BTN2A2: variants seen among roughly 807,000 people sequenced by gnomAD.
The protein encoded by BTN2A2 is butyrophilin subfamily 2 member A2.
A neutral mutation model predicts 34.7 loss-of-function variants in BTN2A2; 29 were observed. The ratio of observed to expected loss-of-function variants is 0.84; its 90% CI spans 0.62 to 1.14. BTN2A2 has a LOEUF of 1.14. Ranked by LOEUF, BTN2A2 falls within the 50% of genes most tolerant of loss-of-function variation. The pLI, the probability that BTN2A2 is intolerant of heterozygous loss-of-function variation, is 0.00. For missense variants in BTN2A2, 612 were observed against 651.5 expected, an observed-to-expected ratio of 0.94 and a Z score of 0.66; for synonymous variants, 240 against 253.1, an observed-to-expected ratio of 0.95 and a Z score of 0.49.
intron 3 of BTN2A2, among the ~76,000 whole-genome samples, chr6:26,386,418 G>A (rs1761206291): frequency 6.6e-6 from 1 of 152,210 alleles, no homozygotes; most frequent in Admixed American, 6.5e-5. Context: ...TCAGACCAGT[G>A]GAGGCAAGGA....
At position 26,383,706 on chromosome 6, in the gene BTN2A2, C is replaced by A. The variant is rs1233721929; in HGVS notation, c.-30-86C>A. 2.0e-6 allele frequency: 2 copies of A among 1,019,272 alleles called. No individual in the cohort carries two copies. Among genetic ancestry groups the A allele is most frequent in the Admixed American group, 1.9e-5 (1 of 51,420 alleles). The allele number at this position is 1,019,272 out of a possible 1,614,324, so 63.1% of individuals were successfully genotyped here. ...CCCAGAAGTTGGGGCACCGATGAGACCTACTTGAGTGACAGGAGAGGTTGG... is the reference window on the plus strand; with the variant it reads ...CCCAGAAGTTGGGGCACCGATGAGAACTACTTGAGTGACAGGAGAGGTTGG... On this transcript the variant is annotated intron_variant, in intron 1 of 7. Transcript: ENST00000356709. This position sits in a 1 kb window ranked among gnomAD's most constrained non-coding sequence, Gnocchi z 4.4.
rs747732083 is a variant in BTN2A2 at position 26,390,889 on chromosome 6, A to T, written c.979+60A>T. Reference sequence around the variant, plus strand: ...TTCTCCCCACTAGCCAGCTAACAGGACTCCTTAGAGGAGATGAGCAAGGGG... The same window carrying T: ...TTCTCCCCACTAGCCAGCTAACAGGTCTCCTTAGAGGAGATGAGCAAGGGG... On this transcript the variant is annotated intron_variant, in intron 7 of 7. Transcript: ENST00000356709. 3 of 1,612,152 alleles carry T rather than the reference A, an allele frequency of 1.9e-6. No homozygotes were observed. The African/African-American group carries it at 4.0e-5, about 22-fold the overall frequency.
At position 26,383,500 on chromosome 6, in the gene BTN2A2, A is replaced by C; in HGVS notation, c.-30-292A>C. The C allele has an allele frequency of 3.7e-6, 1 of 268,468 alleles. No individual in the cohort carries two copies. Among genetic ancestry groups the C allele is most frequent in the South Asian group, 5.1e-5 (1 of 19,650 alleles). The allele number at this position is 268,468 out of a possible 1,614,324, so 16.6% of individuals were successfully genotyped here. On this transcript the variant is annotated intron_variant, in intron 1 of 7. Transcript: ENST00000356709. This position sits in a 1 kb window ranked among gnomAD's most constrained non-coding sequence, Gnocchi z 4.4. ...CCCGACCTGGGTCTCGGGGAGGGGG[A>C]AGTGGAGGGACGAGGGTGTGAAAGA...
rs1049935336 is a variant in BTN2A2 at position 26,389,951 on chromosome 6, C to G, written c.725-54C>G. 6 of 1,569,356 alleles carry G rather than the reference C, an allele frequency of 3.8e-6. No individual in the cohort carries two copies. The African/African-American group carries it at 6.8e-5, about 18-fold the overall frequency. On this transcript the variant is annotated intron_variant, in intron 4 of 7. Transcript: ENST00000356709. ...CTTCAGATGTGCTCTTAGGGGCACT[C>G]TCATCCAGATGTTCTATTTCAAACT...
chr6:26,384,642 A>G lies in BTN2A2; in HGVS notation c.95-373A>G, dbSNP rs1291144526. On this transcript the variant is annotated intron_variant, in intron 2 of 7. Coordinates refer to ENST00000356709, the MANE Select transcript of BTN2A2 (RefSeq NM_006995.5). This position sits in a 1 kb window ranked among gnomAD's most constrained non-coding sequence, Gnocchi z 4.0. The stretch of plus-strand genomic sequence containing the variant: ...ACACTTAGAGTTCATTTTTATTGGA[A>G]CTGTTAAATAGCTAGTGGATAGATA... 1.3e-5 allele frequency among the ~76,000 whole-genome samples: 2 copies of G among 152,176 alleles called. No individual in the cohort carries two copies. The highest frequency in any genetic ancestry group is 3.8e-4 in the East Asian group (2 of 5,204).
At chr6:26,390,542 C>T in intron 5 of BTN2A2, 145 bp from the exon 6 acceptor site, 2 of 1,007,230 alleles carry the variant, frequency 2.0e-6, no homozygotes, top group East Asian at 2.4e-5. Context: ...TACATCATTG[C>T]TGGTTTCTGA....
At chr6:26,387,629 A>C (rs970835666) in intron 3 of BTN2A2, among the ~76,000 whole-genome samples, 4 of 151,942 alleles carry the variant, frequency 2.6e-5, no homozygotes, top group Admixed American at 2.6e-4. Context: ...GGTTTCTGTC[A>C]TTAGTGTATT....
chr6:26,390,278 G>T, intron 5 of BTN2A2, 67 bp downstream of exon 5: 4 of 1,480,572 alleles, frequency 2.7e-6, no homozygotes, highest in Non-Finnish European at 3.7e-6. Context: ...TAAATGAGTA[G>T]GAGGACAATT....
chr6:26,390,233 T>C, intron 5 of BTN2A2, 22 bp downstream of exon 5: 1 of 1,604,790 alleles, frequency 6.2e-7, no homozygotes, highest in Non-Finnish European at 8.5e-7. Flanking sequence ...GTAAAGAAAG[T>C]GTGGAAAAAT....
rs1295384816 is a variant in BTN2A2 at position 26,390,738 on chromosome 6, GT to G, written c.952+32del. ...TTTAGCCTTTCCTGAACTACTCCGTGTACAATTTGTGTTCTGCTTACTTAGC... is the reference window on the plus strand; with the variant it reads ...TTTAGCCTTTCCTGAACTACTCCGTGACAATTTGTGTTCTGCTTACTTAGC... On this transcript the variant is annotated intron_variant, in intron 6 of 7. Coordinates refer to ENST00000356709, the MANE Select transcript of BTN2A2 (RefSeq NM_006995.5). The G allele has an allele frequency of 3.7e-6, 6 of 1,614,124 alleles. No individual in the cohort carries two copies. The African/African-American group carries it at 8.0e-5, about 22-fold the overall frequency.
rs1761474676 is a variant in BTN2A2, at chr6:26,390,092, T to A, written c.812T>A (p.Ile271Asn). 11 of 1,614,108 alleles carry A rather than the reference T, an allele frequency of 6.8e-6. No individual in the cohort carries two copies. Among genetic ancestry groups the A allele is most frequent in the African/African-American group, 2.7e-5 (2 of 74,928 alleles). ...ASPWMVSMTV[I>N]LAVFIIFMAV... is the part of the protein sequence containing the mutation. ...CCCTGGATGGTGTCCATGACTGTCA[T>A]CCTGGCTGTTTTCATCATCTTCATG... Residue 271 changes from isoleucine (I) to asparagine (N), a missense_variant, in exon 5 of 8, where the codon ATC becomes AAC. Physicochemically the swap from Ile to Asn is moderately radical, Grantham distance 149. Coordinates refer to ENST00000356709, the MANE Select transcript of BTN2A2 (RefSeq NM_006995.5).
chr6:26,389,527 G>A (rs1034356316), intron 4 of BTN2A2, among the ~76,000 whole-genome samples: 10 of 152,216 alleles, frequency 6.6e-5, no homozygotes, highest in Non-Finnish European at 1.2e-4. Context: ...ATGCAACTAC[G>A]TTATATATGG....
chr6:26,384,002 G>A lies in BTN2A2; in HGVS notation c.94+87G>A. The stretch of plus-strand genomic sequence containing the variant: ...GCAAAGGGAAAGAAGGAAGAACTGT[G>A]GGGTTGTTGACTTATCCTTTCATTC... On this transcript the variant is annotated intron_variant, in intron 2 of 7. Transcript: ENST00000356709. This position sits in a 1 kb window ranked among gnomAD's most constrained non-coding sequence, Gnocchi z 4.0. 6.9e-7 allele frequency: 1 copy of A among 1,453,144 alleles called. No individual in the cohort carries two copies. The highest frequency in any genetic ancestry group is 9.6e-7 in the Non-Finnish European group (1 of 1,037,328). 90.0% of individuals were successfully genotyped at this position (1,453,144 alleles called of 1,614,324 possible). A position where few individuals can be genotyped will look rare whatever the true frequency, so the allele number is the denominator to read the frequency against.
In BTN2A2 at chr6:26,385,118, G is replaced by A. The variant is rs1395170421; in HGVS notation, c.198G>A (p.Met66Ile). 2.5e-6 allele frequency: 4 copies of A among 1,614,032 alleles called. No homozygotes were observed. The highest frequency in any genetic ancestry group is 4.5e-5 in the East Asian group (2 of 44,876). ...CACCCGAGAAAAATGCTGAGGACATGGAGGTGCGGTGGTTCCGGTCTCAGT... is the reference window on the plus strand; with the variant it reads ...CACCCGAGAAAAATGCTGAGGACATAGAGGTGCGGTGGTTCCGGTCTCAGT... ...HLSPEKNAED[M>I]EVRWFRSQFS... The change falls in exon 3 of 8, where the codon ATG (methionine) becomes ATA (isoleucine). Residue 66 changes from methionine to isoleucine, a missense_variant. Met to Ile is a conservative substitution (Grantham distance 10). Transcript: ENST00000356709.
chr6:26,384,032 C>T lies in BTN2A2; in HGVS notation c.94+117C>T. On this transcript the variant is annotated intron_variant, in intron 2 of 7. Transcript: ENST00000356709. The surrounding 1 kb of genome is among the most constrained non-coding windows in gnomAD (Gnocchi z 4.0). ...TGTTGACTTATCCTTTCATTCTGAA[C>T]ATGTTCACTGAATTTATACCAGCAC... 2 of 1,200,042 alleles carry T rather than the reference C, an allele frequency of 1.7e-6. No individual in the cohort carries two copies. The highest frequency in any genetic ancestry group is 2.4e-6 in the Non-Finnish European group (2 of 823,216). The allele number at this position is 1,200,042 out of a possible 1,614,324, so 74.3% of individuals were successfully genotyped here.
intron 3 of BTN2A2, 171 bp downstream of exon 3, chr6:26,385,533 T>A (rs916628511): frequency 6.3e-6 from 4 of 630,148 alleles, no homozygotes; most frequent in Admixed American, 3.0e-5. Flanking sequence ...TTTGCCCTGC[T>A]AAGCTATAGG....
rs1441947025 is a variant in BTN2A2 at position 26,385,001 on chromosome 6, C to T, written c.95-14C>T. The T allele has an allele frequency of 1.2e-6, 2 of 1,606,694 alleles. No individual in the cohort carries two copies. Among genetic ancestry groups the T allele is most frequent in the Non-Finnish European group, 1.7e-6 (2 of 1,174,064 alleles). On this transcript the variant is annotated splice_polypyrimidine_tract_variant and intron_variant, in intron 2 of 7. Coordinates refer to ENST00000356709, the MANE Select transcript of BTN2A2 (RefSeq NM_006995.5). ...TAACTGGCATCCTTGTCTGATTCTG[C>T]CCTTGTTGAACAGCCCAGTTTACTG...
rs1349927302 is a variant in BTN2A2, at chr6:26,393,114, G to A, written c.*147G>A. On this transcript the variant is annotated 3_prime_UTR_variant, in exon 8 of 8. Coordinates refer to ENST00000356709, the MANE Select transcript of BTN2A2 (RefSeq NM_006995.5). ...AGCTGCCTTTTTCACACCCACTCCA[G>A]CCCTCTGCCCCAGTTTTCTCCTCCT... The A allele has an allele frequency of 1.2e-6, 2 of 1,608,268 alleles. No homozygotes were observed. The highest frequency in any genetic ancestry group is 4.5e-5 in the East Asian group (2 of 44,884).
At position 26,392,806 on chromosome 6, in the gene BTN2A2, T is replaced by C; in HGVS notation, c.1411T>C (p.Cys471Arg). 1 of 1,614,218 alleles carries C rather than the reference T, an allele frequency of 6.2e-7. No individual in the cohort carries two copies. Among genetic ancestry groups the C allele is most frequent in the Non-Finnish European group, 8.5e-7 (1 of 1,180,036 alleles). ...NMRDRSHIYT[C>R]PRSAFTVPVR... ...GAGGGACAGATCGCACATCTACACATGTCCCCGTTCAGCCTTTACTGTGCC... is the reference window on the plus strand; with the variant it reads ...GAGGGACAGATCGCACATCTACACACGTCCCCGTTCAGCCTTTACTGTGCC... The change falls in exon 8 of 8, where the codon TGT becomes CGT. Residue 471 changes from cysteine to arginine, a missense_variant. By Grantham distance (180) the Cys-to-Arg change is radical. Transcript: ENST00000356709.
Sources: gnomAD v4.1 joint callset for allele counts (sites outside exome capture counted in the v4.1 genomes callset) on GRCh38, gnomAD v4.1.1 for gene constraint, Gnocchi (gnomAD v3.1) non-coding constraint, MANE v1.5 for transcripts, NCBI Gene and HGNC (gene_info 2026-07-23, HGNC 2026-07-21) for gene names.